The following EIF5B variants were observed in gnomAD, a reference collection of about 807,000 sequenced individuals.
EIF5B encodes the protein eIF-5B.
A neutral mutation model predicts 147.5 loss-of-function variants in EIF5B; 47 were observed. That is an observed-to-expected ratio of 0.32 (90% CI 0.25 to 0.41). The LOEUF is 0.41. EIF5B is among the 10% of genes least tolerant of loss of function. The pLI is 1.00. For synonymous variants in EIF5B, 455 were observed against 456.2 expected, an observed-to-expected ratio of 1.00 and a Z score of 0.03; for missense variants, 1,064 against 1,413.2, an observed-to-expected ratio of 0.75 and a Z score of 3.96.
chr2:99,383,080 AG>A (rs965892696), intron 14 of EIF5B, among the ~76,000 whole-genome samples, 159 bp downstream of exon 14: 2 of 151,190 alleles, frequency 1.3e-5, no homozygotes, highest in Middle Eastern at 3.2e-3. Flanking sequence ...ATTTGTGTAT[AG>A]TTTTTTTTTT....
intron 1 of EIF5B, chr2:99,340,814 G>A (rs554350755): frequency 1.3e-5 from 2 of 151,108 alleles, no homozygotes; most frequent in Admixed American, 1.3e-4. Flanking sequence ...CTGTCACCCC[G>A]GGTGGAGTAC....
chr2:99,345,464 C>T (rs2094270664), intron 1 of EIF5B, among the ~76,000 whole-genome samples: 1 of 151,816 alleles, frequency 6.6e-6, no homozygotes, highest in South Asian at 2.1e-4. Context: ...TGTGGTGGTG[C>T]ATGCCTATAA....
In EIF5B at chr2:99,376,566, C is replaced by G; in HGVS notation, c.1772C>G (p.Ser591Cys). 3 of 1,613,974 alleles carry G rather than the reference C, an allele frequency of 1.9e-6. No individual in the cohort carries two copies. The highest frequency in any genetic ancestry group is 2.5e-6 in the Non-Finnish European group (3 of 1,179,978). ...KKPSKEMSSD[S>C]EYDSDDDRTK... ...CCAAGTAAAGAAATGAGCTCAGATT[C>G]TGAATATGACTCTGATGATGATCGG... Residue 591 changes from serine (S) to cysteine (C), a missense_variant, in exon 10 of 24, where the codon TCT (serine) becomes TGT (cysteine). This residue lies in a region of EIF5B where 195 missense variants were observed against 186.3 expected (regional missense o/e 1.05). Coordinates refer to ENST00000289371, the MANE Select transcript of EIF5B (RefSeq NM_015904.4).
At chr2:99,397,322 T>A (rs1048259846) in intron 22 of EIF5B, 3 of 152,896 alleles carry the variant, frequency 2.0e-5, no homozygotes, top group African/African-American at 7.2e-5. Context: ...TAAGAAAAAT[T>A]AATAATATTT....
intron 1 of EIF5B, among the ~76,000 whole-genome samples, chr2:99,351,372 G>T (rs1673949686): frequency 6.6e-6 from 1 of 152,210 alleles, no homozygotes; most frequent in African/African-American, 2.4e-5. Context: ...GGATATTTGG[G>T]TTGTTTCCAG....
chr2:99,362,295 G>A (rs1378349987), intron 4 of EIF5B, among the ~76,000 whole-genome samples: 1 of 152,106 alleles, frequency 6.6e-6, no homozygotes. Flanking sequence ...GCAATAATGA[G>A]CCATTTTTTT....
intron 23 of EIF5B, 40 bp from the exon 24 acceptor site, chr2:99,399,267 T>C (rs1675145075): frequency 6.3e-7 from 1 of 1,592,034 alleles, no homozygotes; most frequent in Non-Finnish European, 8.6e-7. Context: ...GGCACGTTTG[T>C]TATGTTCTGT....
chr2:99,383,277 AT>A (rs1007297978), intron 14 of EIF5B, among the ~76,000 whole-genome samples: 2 of 152,122 alleles, frequency 1.3e-5, no homozygotes, highest in African/African-American at 4.8e-5. Context: ...ATTTTAATTG[AT>A]TTGGGGTGCC....
At position 99,394,737 on chromosome 2, in the gene EIF5B, C is replaced by G. The variant is rs1233141374; in HGVS notation, c.3108C>G (p.Ala1036=). ...EHDPQYAVIL[A]FDVRIERDAQ... ...CTTTTAGGTATGCAGTAATTTTGGC[C>G]TTCGATGTGAGAATTGAACGAGATG... The change falls in exon 21 of 24, where the codon GCC becomes GCG. Residue 1036 remains alanine (A), a synonymous_variant. Coordinates refer to ENST00000289371, the MANE Select transcript of EIF5B (RefSeq NM_015904.4). 4 of 1,611,420 alleles carry G rather than the reference C, an allele frequency of 2.5e-6. No individual in the cohort carries two copies. Among genetic ancestry groups the G allele is most frequent in the African/African-American group, 1.3e-5 (1 of 74,688 alleles).
At chr2:99,399,166 C>A (rs1675141110) in intron 23 of EIF5B, 141 bp from the exon 24 acceptor site, 2 of 843,164 alleles carry the variant, frequency 2.4e-6, no homozygotes, top group Admixed American at 2.8e-5. Context: ...TTTTGGAATT[C>A]TACTCCCTTA....
chr2:99,389,889 A>G, intron 15 of EIF5B, 40 bp downstream of exon 15: 1 of 1,576,510 alleles, frequency 6.3e-7, no homozygotes, highest in Non-Finnish European at 8.6e-7. Context: ...CCTATCTCAG[A>G]ATATGTATTA....
chr2:99,397,161 G>A (rs1253851377), intron 22 of EIF5B: 3 of 276,248 alleles, frequency 1.1e-5, no homozygotes, highest in Non-Finnish European at 2.0e-5. Context: ...TGTTGACTCA[G>A]TGCTGATCTC....
At chr2:99,390,137 C>A in intron 15 of EIF5B, 82 bp from the exon 16 acceptor site, 1 of 1,491,976 alleles carries the variant, frequency 6.7e-7, no homozygotes, top group Non-Finnish European at 9.2e-7. Flanking sequence ...GAGCCATTTG[C>A]TCATCCGGCT....
At chr2:99,391,562 C>T (rs1052943734) in intron 17 of EIF5B, among the ~76,000 whole-genome samples, 8 of 152,158 alleles carry the variant, frequency 5.3e-5, no homozygotes, top group Non-Finnish European at 1.0e-4. Flanking sequence ...CTGCCTTCCC[C>T]TCCTACCCCC....
intron 16 of EIF5B, 29 bp downstream of exon 16, chr2:99,390,430 T>TG (rs1265324348): frequency 1.3e-5 from 20 of 1,567,200 alleles, no homozygotes; most frequent in East Asian, 2.2e-5. Context: ...GTTTATTGTT[T>TG]TTTTTTTTTT....
Position 99,394,734 on chromosome 2 carries a change from G to C in EIF5B, c.3105G>C (p.Leu1035Phe). 6.2e-7 allele frequency: 1 copy of C among 1,611,402 alleles called. No homozygotes were observed. The highest frequency in any genetic ancestry group is 8.5e-7 in the Non-Finnish European group (1 of 1,179,340). Residue 1035 changes from leucine to phenylalanine, a missense_variant, in exon 21 of 24, where the codon TTG becomes TTC. Around this residue, in one of 4 missense-constraint regions of EIF5B, gnomAD observed 380 missense variants for 715.6 expected, o/e 0.53. Coordinates refer to ENST00000289371, the MANE Select transcript of EIF5B (RefSeq NM_015904.4). ...AACCTTTTAGGTATGCAGTAATTTT[G>C]GCCTTCGATGTGAGAATTGAACGAG... ...LEHDPQYAVILAFDVRIERDA... is the reference protein window; with the variant it reads ...LEHDPQYAVIFAFDVRIERDA...
At chr2:99,391,047 A>T (rs543010191) in intron 17 of EIF5B, among the ~76,000 whole-genome samples, 2 of 152,290 alleles carry the variant, frequency 1.3e-5, no homozygotes, top group South Asian at 2.1e-4. Flanking sequence ...CTCCCCAAAA[A>T]CTTAACTCCT....
At chr2:99,353,355 C>T (rs1044657027) in intron 1 of EIF5B, among the ~76,000 whole-genome samples, 25 of 151,842 alleles carry the variant, frequency 1.6e-4, no homozygotes, top group Admixed American at 1.4e-3. Context: ...GTCAGGGTTT[C>T]GCCATGTTGC....
intron 1 of EIF5B, among the ~76,000 whole-genome samples, chr2:99,359,147 G>A (rs1347564506): frequency 6.6e-6 from 1 of 151,918 alleles, no homozygotes. Flanking sequence ...CTGATCACAA[G>A]GTCAGGAGTT....
Sources: gnomAD v4.1 joint callset for allele counts (sites outside exome capture counted in the v4.1 genomes callset) on GRCh38, gnomAD v4.1.1 for gene constraint, gnomAD v4.1.1 regional missense constraint, MANE v1.5 for transcripts, NCBI Gene and HGNC (gene_info 2026-07-23, HGNC 2026-07-21) for gene names.